AGBL4: variants seen among roughly 807,000 people sequenced by gnomAD.
AGBL4 encodes the protein AGBL carboxypeptidase 4, also known as cytosolic carboxypeptidase 6.
A neutral mutation model predicts 66.4 loss-of-function variants in AGBL4; 58 were observed. The observed-to-expected ratio is 0.87, with a 90% confidence interval of 0.71 to 1.09. The LOEUF is 1.09. Among genes scored for constraint, AGBL4 ranks in the 50% least tolerant of loss-of-function variants. The pLI is 0.00. For synonymous variants in AGBL4, 234 were observed against 222.9 expected, an observed-to-expected ratio of 1.05 and a Z score of -0.44; for missense variants, 579 against 631.0, an observed-to-expected ratio of 0.92 and a Z score of 0.88.
intron 6 of AGBL4, among the ~76,000 whole-genome samples, chr1:48,672,396 C>A (rs1385008707): frequency 6.6e-6 from 1 of 152,100 alleles, no homozygotes; most frequent in South Asian, 2.1e-4. Flanking sequence ...GATGAGGGAG[C>A]CAAGATAAAA....
intron 3 of AGBL4, among the ~76,000 whole-genome samples, chr1:49,578,508 T>G (rs1644479793): frequency 1.3e-5 from 2 of 152,328 alleles, no homozygotes; most frequent in South Asian, 4.1e-4. Flanking sequence ...GCTGCAGAAA[T>G]GAGGACTGTA....
chr1:48,906,417 A>G (rs1162118926), intron 5 of AGBL4, among the ~76,000 whole-genome samples: 1 of 152,150 alleles, frequency 6.6e-6, no homozygotes, highest in Non-Finnish European at 1.5e-5. Flanking sequence ...GGAGAAAAGT[A>G]TGTGAGGGAT....
intron 3 of AGBL4, among the ~76,000 whole-genome samples, chr1:49,380,535 A>C (rs1337319559): frequency 3.3e-5 from 5 of 152,136 alleles, no homozygotes; most frequent in Non-Finnish European, 5.9e-5. Context: ...CCGCATCGCC[A>C]AGTCAATCCT....
chr1:49,088,157 T>A (rs989926263), intron 4 of AGBL4, among the ~76,000 whole-genome samples: 2 of 152,142 alleles, frequency 1.3e-5, no homozygotes, highest in Non-Finnish European at 2.9e-5. Flanking sequence ...GTATTGACAC[T>A]ATAAAGCAAC....
At chr1:49,348,976 A>G (rs953964214) in intron 3 of AGBL4, among the ~76,000 whole-genome samples, 1 of 152,222 alleles carries the variant, frequency 6.6e-6, no homozygotes, top group African/African-American at 2.4e-5. Context: ...CTAGCTAAAA[A>G]ATAATATTTA....
intron 4 of AGBL4, among the ~76,000 whole-genome samples, chr1:49,229,648 A>G (rs1650161127): frequency 6.6e-6 from 1 of 152,240 alleles, no homozygotes; most frequent in Non-Finnish European, 1.5e-5. Flanking sequence ...ATTCAAAAAA[A>G]GACTTGTCAG....
intron 1 of AGBL4, among the ~76,000 whole-genome samples, chr1:49,879,990 G>C (rs988829169): frequency 4.7e-5 from 7 of 148,764 alleles, no homozygotes; most frequent in African/African-American, 1.7e-4. Flanking sequence ...TGTAGTTCTC[G>C]AGCCTTGGTT....
At chr1:48,911,071 G>A (rs1653049695) in intron 5 of AGBL4, among the ~76,000 whole-genome samples, 1 of 152,166 alleles carries the variant, frequency 6.6e-6, no homozygotes, top group Non-Finnish European at 1.5e-5. Flanking sequence ...AAAGAATGGA[G>A]CCTGTTTCTG....
chr1:49,377,911 C>T (rs919536819), intron 3 of AGBL4, among the ~76,000 whole-genome samples: 4 of 152,046 alleles, frequency 2.6e-5, no homozygotes, highest in African/African-American at 9.7e-5. Context: ...GAAACAAAGG[C>T]AATCAGTTCC....
chr1:48,734,313 C>T (rs946451258), intron 6 of AGBL4, among the ~76,000 whole-genome samples: 1 of 152,136 alleles, frequency 6.6e-6, no homozygotes, highest in South Asian at 2.1e-4. Flanking sequence ...AGGCTGGTTG[C>T]TTACCCTATG....
At position 48,557,793 on chromosome 1, in the gene AGBL4, G is replaced by T. The variant is rs984919858; in HGVS notation, c.1268-18055C>A. Among the ~76,000 whole-genome samples the T allele has an allele frequency of 5.3e-5, 8 of 152,178 alleles. 1 individual carries two copies. The highest frequency in any genetic ancestry group is 1.9e-4 in the African/African-American group (8 of 41,444). ...CAATGCCCCACCTAGGCAGAGCAGA[G>T]AACCCTGAACCTTTTGCCTGGAGAG... On this transcript the variant is annotated intron_variant, in intron 11 of 13. Coordinates refer to ENST00000371839, the MANE Select transcript of AGBL4 (RefSeq NM_032785.4).
intron 6 of AGBL4, among the ~76,000 whole-genome samples, chr1:48,717,643 CT>C (rs1206257724): frequency 6.6e-6 from 1 of 152,172 alleles, no homozygotes; most frequent in East Asian, 1.9e-4. Context: ...CAAGGTGAAT[CT>C]TGAAATGGCT....
chr1:49,027,062 T>C (rs921345060), intron 5 of AGBL4, among the ~76,000 whole-genome samples: 3 of 152,300 alleles, frequency 2.0e-5, no homozygotes, highest in African/African-American at 7.2e-5. Context: ...AAATAGGCTG[T>C]GTATAAAGAG....
chr1:49,766,176 A>G (rs937597254), intron 2 of AGBL4, among the ~76,000 whole-genome samples: 1 of 152,186 alleles, frequency 6.6e-6, no homozygotes, highest in Non-Finnish European at 1.5e-5. Flanking sequence ...CAAAAATCTT[A>G]AAGGCAGCTA....
chr1:49,116,790 C>A (rs143213959), intron 4 of AGBL4, among the ~76,000 whole-genome samples: 1 of 152,136 alleles, frequency 6.6e-6, no homozygotes, highest in African/African-American at 2.4e-5. Flanking sequence ...CTTGAGGGAT[C>A]GGCACAGTGG....
chr1:49,660,703 A>G (rs1231728921), intron 3 of AGBL4, among the ~76,000 whole-genome samples: 1 of 152,218 alleles, frequency 6.6e-6, no homozygotes, highest in Admixed American at 6.5e-5. Context: ...AATCAAGTCA[A>G]ATGCCCATCA....
intron 3 of AGBL4, among the ~76,000 whole-genome samples, chr1:49,392,479 G>A (rs1197221636): frequency 6.6e-6 from 1 of 152,174 alleles, no homozygotes; most frequent in African/African-American, 2.4e-5. Context: ...GTTTTTGGTA[G>A]GAGCAGTCTC....
chr1:49,942,106 A>G (rs1654818945), intron 1 of AGBL4, among the ~76,000 whole-genome samples: 1 of 152,160 alleles, frequency 6.6e-6, no homozygotes, highest in Non-Finnish European at 1.5e-5. Flanking sequence ...TTATAATAGC[A>G]TCAAAAATAC....
intron 3 of AGBL4, among the ~76,000 whole-genome samples, chr1:49,329,705 T>C (rs1014336477): frequency 6.6e-6 from 1 of 151,262 alleles, no homozygotes; most frequent in Non-Finnish European, 1.5e-5. Flanking sequence ...ATGTGAACAT[T>C]CCTCATGCTA....
Sources: gnomAD v4.1 joint callset for allele counts (sites outside exome capture counted in the v4.1 genomes callset) on GRCh38, gnomAD v4.1.1 for gene constraint, MANE v1.5 for transcripts, NCBI Gene and HGNC (gene_info 2026-07-23, HGNC 2026-07-21) for gene names.